CRAMP1: variants seen among roughly 807,000 people sequenced by gnomAD.
CRAMP1 encodes the protein cramped chromatin regulator 1.
A neutral mutation model predicts 115.4 loss-of-function variants in CRAMP1; 50 were observed. The observed-to-expected ratio is 0.43, with a 90% CI of 0.35 to 0.55. The LOEUF (loss-of-function observed/expected upper bound fraction) is 0.55. Ranked by LOEUF, CRAMP1 falls within the 20% of genes least tolerant of loss-of-function variation. The probability of loss-of-function intolerance (pLI) is 0.01; values close to 1 mark genes in which losing one functional copy is unlikely to be tolerated. For synonymous variants in CRAMP1, 866 were observed against 745.4 expected, an observed-to-expected ratio of 1.16 and a Z score of -2.64; for missense variants, 1,679 against 1,721.7, an observed-to-expected ratio of 0.98 and a Z score of 0.44.
At chr16:1,651,731 T>G (rs1470308493) in intron 6 of CRAMP1, among the ~76,000 whole-genome samples, 1 of 128,720 alleles carries the variant, frequency 7.8e-6, no homozygotes, top group South Asian at 2.7e-4. Flanking sequence ...TAGAGGTGGA[T>G]TGAGGTCACA....
intron 6 of CRAMP1, among the ~76,000 whole-genome samples, chr16:1,644,802 C>T (rs1432718557): frequency 6.6e-6 from 1 of 152,060 alleles, no homozygotes; most frequent in Non-Finnish European, 1.5e-5. Context: ...GCCTCTCGTT[C>T]CCTGTGGAGA....
chr16:1,664,849 G>T (rs1346147359), intron 13 of CRAMP1, among the ~76,000 whole-genome samples: 1 of 152,076 alleles, frequency 6.6e-6, no homozygotes, highest in Non-Finnish European at 1.5e-5. Context: ...GATTACCTGG[G>T]TTTGTTTGAG....
At position 1,656,608 on chromosome 16, in the gene CRAMP1, G is replaced by C. The variant is rs754452907; in HGVS notation, c.1851G>C (p.Pro617=). 5.1e-6 allele frequency: 8 copies of C among 1,573,526 alleles called. No homozygotes were observed. The highest frequency in any genetic ancestry group is 6.9e-6 in the Non-Finnish European group (8 of 1,160,552). ...AADLAPTGPS[P]RPGPGLLLDV... The stretch of plus-strand genomic sequence containing the variant: ...ACCTTGCTCCCACTGGCCCATCCCC[G>C]AGGCCCGGCCCCGGGCTCCTGCTGG... The change falls in exon 10 of 21, where the codon CCG becomes CCC. Residue 617 remains proline (P), a synonymous_variant. Coordinates refer to ENST00000397412, the MANE Select transcript of CRAMP1 (RefSeq NM_020825.4). This position sits in a 1 kb window ranked among gnomAD's most constrained non-coding sequence, Gnocchi z 5.6.
intron 6 of CRAMP1, among the ~76,000 whole-genome samples, chr16:1,647,849 T>C (rs1456761417): frequency 2.6e-5 from 4 of 151,528 alleles, no homozygotes; most frequent in African/African-American, 7.3e-5. Flanking sequence ...TCTTCTCTTA[T>C]AGCCCTGTGC....
chr16:1,668,328 G>T, intron 18 of CRAMP1, 135 bp downstream of exon 18: 3 of 710,532 alleles, frequency 4.2e-6, no homozygotes, highest in Non-Finnish European at 7.2e-6. Flanking sequence ...ACAAGGTGCT[G>T]CCTGTCTCCA....
At chr16:1,662,915 T>G in intron 13 of CRAMP1, 80 bp downstream of exon 13, 1 of 1,126,290 alleles carries the variant, frequency 8.9e-7, no homozygotes, top group African/African-American at 1.6e-5. Flanking sequence ...TCTCTCACAT[T>G]TTCATGGTGT....
intron 6 of CRAMP1, among the ~76,000 whole-genome samples, chr16:1,642,088 A>C (rs1217948800): frequency 6.6e-6 from 1 of 152,198 alleles, no homozygotes; most frequent in African/African-American, 2.4e-5. Context: ...TCACTGAACC[A>C]CAGATATTGG....
At chr16:1,665,285 G>A (rs2036864896) in intron 14 of CRAMP1, 147 bp downstream of exon 14, 8 of 662,864 alleles carry the variant, frequency 1.2e-5, no homozygotes, top group Non-Finnish European at 1.6e-5. Context: ...TGTGCCCTAT[G>A]TGCTGGGCTG....
chr16:1,616,955 C>T (rs1004630913), intron 2 of CRAMP1, among the ~76,000 whole-genome samples: 2 of 151,600 alleles, frequency 1.3e-5, no homozygotes, highest in Non-Finnish European at 2.9e-5. Context: ...GCTGGGACTA[C>T]AGGCGCCTGC....
intron 20 of CRAMP1, 136 bp downstream of exon 20, chr16:1,670,945 T>G: frequency 1.3e-6 from 1 of 772,966 alleles, no homozygotes; most frequent in Non-Finnish European, 2.1e-6. Context: ...ACGTCCACAC[T>G]CAGGTCCCTG....
At chr16:1,629,856 C>T (rs1421620517) in intron 3 of CRAMP1, among the ~76,000 whole-genome samples, 2 of 152,074 alleles carry the variant, frequency 1.3e-5, no homozygotes, top group Non-Finnish European at 2.9e-5. Context: ...ACTGGGGTGC[C>T]AGCCTTCCAG....
chr16:1,642,001 A>T (rs1320116420), intron 6 of CRAMP1, among the ~76,000 whole-genome samples: 1 of 152,088 alleles, frequency 6.6e-6, no homozygotes, highest in African/African-American at 2.4e-5. Flanking sequence ...CCTCATGGGT[A>T]GCCATCCCAT....
At chr16:1,632,726 C>T (rs537237749) in intron 4 of CRAMP1, among the ~76,000 whole-genome samples, 60 of 152,350 alleles carry the variant, frequency 3.9e-4, no homozygotes, top group African/African-American at 1.4e-3. Context: ...GGGCTTGGGC[C>T]GCAGGCACCG....
At chr16:1,665,879 A>G (rs965638342) in intron 14 of CRAMP1, 194 bp from the exon 15 acceptor site, 8 of 584,646 alleles carry the variant, frequency 1.4e-5, no homozygotes, top group Non-Finnish European at 2.1e-5. Context: ...TGGGTGCCAG[A>G]GCTTGTGTCA....
chr16:1,613,535 C>G (rs557749044), intron 1 of CRAMP1, among the ~76,000 whole-genome samples: 1 of 152,184 alleles, frequency 6.6e-6, no homozygotes, highest in Non-Finnish European at 1.5e-5. Context: ...TTTTTGCTTC[C>G]TCACACGTGC....
chr16:1,632,674 C>T lies in CRAMP1; in HGVS notation c.694+309C>T, dbSNP rs1274255780. 2.0e-5 allele frequency among the ~76,000 whole-genome samples: 3 copies of T among 152,284 alleles called. No individual in the cohort carries two copies. The East Asian group carries it at 5.8e-4, about 29-fold the overall frequency. On this transcript the variant is annotated intron_variant, in intron 4 of 20. Transcript: ENST00000397412. ...TCTGGGTCCCTGGCTCACCTGAAGC[C>T]TGTGGTCTCCACTGCAAATGATAGC... is the stretch of plus-strand genomic sequence containing the variant.
chr16:1,664,526 C>A (rs1278991788), intron 13 of CRAMP1, among the ~76,000 whole-genome samples: 2 of 152,118 alleles, frequency 1.3e-5, no homozygotes, highest in East Asian at 3.9e-4. Context: ...CACCTGTAAT[C>A]CCAGCACTTT....
intron 1 of CRAMP1, among the ~76,000 whole-genome samples, 171 bp downstream of exon 1, chr16:1,612,828 C>T (rs986442980): frequency 3.3e-5 from 5 of 152,156 alleles, no homozygotes; most frequent in Middle Eastern, 3.4e-3. Context: ...CGAGCCGGTG[C>T]GGAGCGGGAC....
At chr16:1,631,887 A>G (rs1048925751) in intron 3 of CRAMP1, among the ~76,000 whole-genome samples, 5 of 152,182 alleles carry the variant, frequency 3.3e-5, no homozygotes, top group African/African-American at 1.2e-4. Flanking sequence ...GTCTCATTTC[A>G]TTATCTGTGA....
Sources: allele counts gnomAD v4.1 joint callset (sites outside exome capture counted in the v4.1 genomes callset), GRCh38; gene constraint gnomAD v4.1.1; non-coding constraint Gnocchi (gnomAD v3.1); transcripts MANE v1.5; gene names NCBI Gene and HGNC (gene_info 2026-07-23, HGNC 2026-07-21).